KIAA0513: variants seen among roughly 807,000 people sequenced by gnomAD.
KIAA0513 encodes uncharacterized protein KIAA0513.
In KIAA0513, 39 loss-of-function variants were observed where a neutral mutation model predicts 56.5. That is an observed-to-expected ratio of 0.69 (90% confidence interval 0.53 to 0.90). The LOEUF is 0.90. Ranked by LOEUF, KIAA0513 falls within the 40% of genes least tolerant of loss-of-function variation. KIAA0513 has a pLI of 0.00. For missense variants in KIAA0513, 591 were observed against 535.2 expected, an observed-to-expected ratio of 1.10 and a Z score of -1.03; for synonymous variants, 268 against 215.6, an observed-to-expected ratio of 1.24 and a Z score of -2.13.
intron 1 of KIAA0513, among the ~76,000 whole-genome samples, chr16:85,063,987 A>G (rs964272034): frequency 6.8e-6 from 1 of 147,224 alleles, no homozygotes; most frequent in Non-Finnish European, 1.5e-5. Flanking sequence ...TTACCATTTT[A>G]CTATATTTAT....
At position 85,088,408 on chromosome 16, in the gene KIAA0513, T is replaced by G. The variant is rs910651339; in HGVS notation, c.*83T>G. The G allele has an allele frequency of 2.5e-6, 3 of 1,216,112 alleles. No individual in the cohort carries two copies. The African/African-American group carries it at 4.5e-5, about 18-fold the overall frequency. The allele number at this position is 1,216,112 out of a possible 1,614,324, so 75.3% of individuals were successfully genotyped here. A position where few individuals can be genotyped will look rare whatever the true frequency, so the allele number is the denominator to read the frequency against. The stretch of plus-strand genomic sequence containing the variant: ...AGCGCCCGGCCGTCACCCCACCCGA[T>G]GACCTGCATGAAGCCAGCAGCACCC... On this transcript the variant is annotated 3_prime_UTR_variant, in exon 13 of 13. Transcript: ENST00000683363.
intron 1 of KIAA0513, among the ~76,000 whole-genome samples, chr16:85,032,454 T>A (rs1201362572): frequency 1.3e-5 from 2 of 152,190 alleles, no homozygotes; most frequent in African/African-American, 4.8e-5. Flanking sequence ...TGCCTCAGCC[T>A]CCCATGTAGC....
intron 1 of KIAA0513, among the ~76,000 whole-genome samples, chr16:85,054,590 TGG>T (rs1239513287): frequency 1.3e-5 from 2 of 151,482 alleles, no homozygotes; most frequent in African/African-American, 4.8e-5. Context: ...CCACCACACC[TGG>T]CTGATTTTTG....
At chr16:85,028,019 G>A (rs938217967) in intron 1 of KIAA0513, among the ~76,000 whole-genome samples, 161 bp downstream of exon 1, 5 of 152,046 alleles carry the variant, frequency 3.3e-5, no homozygotes, top group East Asian at 1.9e-4. Context: ...CGGGGCGAGC[G>A]GGGGCGGGGC....
rs550805800 is a variant in KIAA0513 at position 85,066,300 on chromosome 16, G to C, written c.-172-600G>C. On this transcript the variant is annotated intron_variant, in intron 1 of 12. Transcript: ENST00000683363. ...AGGGCTGCCCAGGCTGAGGAGCCGA[G>C]GGGTGTGTCGTTGTCCAGCGGGGCT... Among the ~76,000 whole-genome samples, 44 of 152,330 alleles carry C rather than the reference G, an allele frequency of 2.9e-4. No homozygotes were observed. The South Asian group carries it at 8.3e-3, about 29-fold the overall frequency.
intron 1 of KIAA0513, among the ~76,000 whole-genome samples, chr16:85,059,494 T>C (rs2073374011): frequency 6.6e-6 from 1 of 151,976 alleles, no homozygotes; most frequent in Non-Finnish European, 1.5e-5. Flanking sequence ...CAGAAAAGAG[T>C]GGGGTGCCCG....
rs1030313516 is a variant in KIAA0513, at chr16:85,090,971, C to T, written c.*2646C>T. 1 of 152,252 alleles carries T rather than the reference C, an allele frequency of 6.6e-6. No individual in the cohort carries two copies. Among genetic ancestry groups the T allele is most frequent in the African/African-American group, 2.4e-5 (1 of 41,446 alleles). The allele number at this position is 152,252 out of a possible 1,614,324, so 9.4% of individuals were successfully genotyped here. On this transcript the variant is annotated 3_prime_UTR_variant, in exon 13 of 13. Transcript: ENST00000683363. Reference sequence around the variant, plus strand: ...GACCCAGCCACACTGCTCAAAGGTCCCTGCGTGGGGAGGTGTCACACCAGG... The same window carrying T: ...GACCCAGCCACACTGCTCAAAGGTCTCTGCGTGGGGAGGTGTCACACCAGG...
intron 1 of KIAA0513, among the ~76,000 whole-genome samples, chr16:85,046,487 G>A (rs959650266): frequency 2.6e-5 from 4 of 152,158 alleles, no homozygotes; most frequent in East Asian, 1.9e-4. Context: ...CTCTGCCTTC[G>A]TCATTTCTAG....
intron 12 of KIAA0513, among the ~76,000 whole-genome samples, chr16:85,087,765 C>T: frequency 6.6e-6 from 1 of 152,206 alleles, no homozygotes; most frequent in East Asian, 1.9e-4. Flanking sequence ...GACCCATATT[C>T]TTTAGAGAAT....
chr16:85,039,951 C>T (rs1214807871), intron 1 of KIAA0513, among the ~76,000 whole-genome samples: 4 of 151,878 alleles, frequency 2.6e-5, no homozygotes, highest in Non-Finnish European at 5.9e-5. Context: ...TCTCCTGCCT[C>T]GGCCTCCTGA....
intron 1 of KIAA0513, among the ~76,000 whole-genome samples, chr16:85,031,247 A>G (rs868256924): frequency 2.0e-5 from 3 of 152,262 alleles, no homozygotes; most frequent in African/African-American, 4.8e-5. Flanking sequence ...TGTAGGGGCC[A>G]GGGTGGGCGG....
intron 1 of KIAA0513, among the ~76,000 whole-genome samples, chr16:85,029,723 T>C (rs576459678): frequency 6.6e-6 from 1 of 152,258 alleles, no homozygotes; most frequent in African/African-American, 2.4e-5. Flanking sequence ...TTAAAAAAAG[T>C]CCTGAGAAGT....
At chr16:85,064,766 A>G (rs1467171162) in intron 1 of KIAA0513, among the ~76,000 whole-genome samples, 2 of 151,934 alleles carry the variant, frequency 1.3e-5, no homozygotes, top group African/African-American at 4.8e-5. Context: ...GGTCACTGCA[A>G]CCTCCGCCTC....
chr16:85,088,263 C>G lies in KIAA0513; in HGVS notation c.1187-13C>G. The stretch of plus-strand genomic sequence containing the variant: ...GTCTTTCATCTGAGAAATAACATCA[C>G]TTTCTCTTCCAGAGCAATACAAGCT... On this transcript the variant is annotated splice_polypyrimidine_tract_variant and intron_variant, in intron 12 of 12. Coordinates refer to ENST00000683363, the MANE Select transcript of KIAA0513 (RefSeq NM_001388359.1). The G allele has an allele frequency of 6.2e-7, 1 of 1,611,086 alleles. No individual in the cohort carries two copies.
intron 1 of KIAA0513, among the ~76,000 whole-genome samples, chr16:85,034,419 C>G (rs903893892): frequency 2.0e-5 from 3 of 152,136 alleles, no homozygotes; most frequent in African/African-American, 7.2e-5. Context: ...GATGACTGTA[C>G]TCCTGCCAAG....
rs758251335 is a variant in KIAA0513, at chr16:85,078,980, G to A, written c.879G>A (p.Thr293=). ...EKKGEKIYLY[T]HLKQQPIWHT... is the part of the protein sequence containing the mutation. ...AGGGGGAGAAGATCTACCTGTACAC[G>A]CACCTGAAGCAACAGCCCATCTGGT... The change falls in exon 8 of 13, where the codon ACG becomes ACA. Residue 293 remains threonine, a synonymous_variant. Transcript: ENST00000683363. 1.5e-5 allele frequency: 25 copies of A among 1,613,992 alleles called. No homozygotes were observed. The highest frequency in any genetic ancestry group is 2.2e-5 in the East Asian group (1 of 44,894).
rs554067796 is a variant in KIAA0513 at position 85,056,071 on chromosome 16, C to T, written c.-172-10829C>T. ...TTTGTGCCTGTGGTTCAGCCCAGAC[C>T]CCCCTGAAAGCCACAGCCAGCAGTT... On this transcript the variant is annotated intron_variant, in intron 1 of 12. Transcript: ENST00000683363. Among the ~76,000 whole-genome samples, 26 of 152,334 alleles carry T rather than the reference C, an allele frequency of 1.7e-4. 1 individual carries two copies. The South Asian group carries it at 3.1e-3, about 18-fold the overall frequency.
chr16:85,070,885 C>T (rs1407520694), intron 2 of KIAA0513, among the ~76,000 whole-genome samples: 2 of 152,142 alleles, frequency 1.3e-5, no homozygotes, highest in Non-Finnish European at 2.9e-5. Context: ...AGCCCATCAG[C>T]AATACGGAAT....
Position 85,060,085 on chromosome 16 carries a change from C to T in KIAA0513, c.-172-6815C>T, listed in dbSNP as rs186784086. On this transcript the variant is annotated intron_variant, in intron 1 of 12. Coordinates refer to ENST00000683363, the MANE Select transcript of KIAA0513 (RefSeq NM_001388359.1). Reference sequence around the variant, plus strand: ...AAGCGATCCTCATGCCTCAGACTCCCGAGTAGCTAGGATTACAGGCATGCA... The same window carrying T: ...AAGCGATCCTCATGCCTCAGACTCCTGAGTAGCTAGGATTACAGGCATGCA... 1.7e-3 allele frequency among the ~76,000 whole-genome samples: 256 copies of T among 152,262 alleles called. 1 individual carries two copies. Among genetic ancestry groups the T allele is most frequent in the African/African-American group, 1.6e-3 (67 of 41,546 alleles).
Sources: gnomAD v4.1 joint callset for allele counts (sites outside exome capture counted in the v4.1 genomes callset) on GRCh38, gnomAD v4.1.1 for gene constraint, MANE v1.5 for transcripts, NCBI Gene and HGNC (gene_info 2026-07-23, HGNC 2026-07-21) for gene names.